The following VSTM2L variants were observed in gnomAD, a reference collection of about 807,000 sequenced individuals.
VSTM2L encodes the protein V-set and transmembrane domain containing 2 like.
VSTM2L carries 9 observed loss-of-function variants against 19.9 expected under a neutral mutation model. That is an observed-to-expected ratio of 0.45 (90% CI 0.27 to 0.79). The LOEUF (loss-of-function observed/expected upper bound fraction) is 0.79. Ranked by LOEUF, VSTM2L falls within the 30% of genes least tolerant of loss-of-function variation. The pLI is 0.15. For synonymous variants in VSTM2L, 127 were observed against 133.8 expected (o/e 0.95, Z 0.35); for missense variants, 286 against 295.5 (o/e 0.97, Z 0.24).
chr20:37,931,908 A>G (rs2072912725), intron 2 of VSTM2L, 104 bp downstream of exon 2: 3 of 1,318,100 alleles, frequency 2.3e-6, no homozygotes, highest in Admixed American at 2.3e-5. Flanking sequence ...ATGGGCTCCA[A>G]CGCTGTTCTC....
At chr20:37,941,712 C>T (rs2072973120) in intron 3 of VSTM2L, among the ~76,000 whole-genome samples, 1 of 152,082 alleles carries the variant, frequency 6.6e-6, no homozygotes, top group African/African-American at 2.4e-5. Context: ...GGCCCACTCA[C>T]CTGAGCCTAC....
At chr20:37,913,826 C>A (rs1396703671) in intron 1 of VSTM2L, among the ~76,000 whole-genome samples, 1 of 152,210 alleles carries the variant, frequency 6.6e-6, no homozygotes, top group Non-Finnish European at 1.5e-5. Context: ...CTCCAAGAAT[C>A]GGCTCTGGAG....
chr20:37,941,863 A>C (rs1600576632), intron 3 of VSTM2L, among the ~76,000 whole-genome samples: 3 of 143,738 alleles, frequency 2.1e-5, no homozygotes, highest in Non-Finnish European at 3.0e-5. Flanking sequence ...GCCCCCTCCC[A>C]CCACCACCAC....
intron 3 of VSTM2L, among the ~76,000 whole-genome samples, chr20:37,942,818 CAAAT>C (rs1031829766): frequency 5.3e-5 from 8 of 152,152 alleles, no homozygotes; most frequent in Non-Finnish European, 1.0e-4. Flanking sequence ...AAAACCCAAC[CAAAT>C]AAAACAAAAA....
At chr20:37,914,232 T>G (rs1203954185) in intron 1 of VSTM2L, among the ~76,000 whole-genome samples, 1 of 149,950 alleles carries the variant, frequency 6.7e-6, no homozygotes, top group African/African-American at 2.5e-5. Flanking sequence ...GTGGTGTGCA[T>G]GTATATGTCT....
At chr20:37,943,431 T>A (rs1218505153) in intron 3 of VSTM2L, among the ~76,000 whole-genome samples, 2 of 149,344 alleles carry the variant, frequency 1.3e-5, no homozygotes, top group Non-Finnish European at 3.0e-5. Context: ...GCCTCTATTT[T>A]TTTTTTTTTT....
chr20:37,931,561 G>A (rs182886313), intron 1 of VSTM2L, 74 bp from the exon 2 acceptor site: 15 of 1,400,220 alleles, frequency 1.1e-5, no homozygotes, highest in Middle Eastern at 1.9e-4. Flanking sequence ...CTGTTCCTAC[G>A]TTCTCCACCT....
chr20:37,904,208 G>A (rs763921097), intron 1 of VSTM2L, among the ~76,000 whole-genome samples: 3 of 152,250 alleles, frequency 2.0e-5, no homozygotes, highest in Non-Finnish European at 4.4e-5. Context: ...AGCCACCGGA[G>A]TAGTTGGGGT....
chr20:37,926,950 G>T (rs1271934304), intron 1 of VSTM2L, among the ~76,000 whole-genome samples: 1 of 152,208 alleles, frequency 6.6e-6, no homozygotes, highest in Non-Finnish European at 1.5e-5. Context: ...ACACAAAAAA[G>T]AGTGGAACAT....
intron 3 of VSTM2L, among the ~76,000 whole-genome samples, chr20:37,938,892 A>T (rs1432978940): frequency 1.3e-5 from 2 of 151,978 alleles, no homozygotes; most frequent in African/African-American, 4.8e-5. Flanking sequence ...GAGGCCTCTG[A>T]TGAGGTTTGG....
chr20:37,907,114 T>A (rs1020476033), intron 1 of VSTM2L, among the ~76,000 whole-genome samples: 1 of 152,208 alleles, frequency 6.6e-6, no homozygotes, highest in Non-Finnish European at 1.5e-5. Context: ...TATTATTTTT[T>A]AATTTCTCTT....
intron 1 of VSTM2L, among the ~76,000 whole-genome samples, chr20:37,916,446 A>G (rs149241668): frequency 1.3e-5 from 2 of 152,298 alleles, no homozygotes; most frequent in African/African-American, 2.4e-5. Flanking sequence ...AACTCCCACA[A>G]TCCTGCAAGT....
intron 3 of VSTM2L, among the ~76,000 whole-genome samples, chr20:37,936,385 T>G (rs1299192464): frequency 6.6e-6 from 1 of 152,218 alleles, no homozygotes; most frequent in Non-Finnish European, 1.5e-5. Context: ...CTCCTGAGTC[T>G]TAACTGTTGG....
At position 37,903,181 on chromosome 20, in the gene VSTM2L, C is replaced by A; in HGVS notation, c.-170C>A. On this transcript the variant is annotated 5_prime_UTR_variant, in exon 1 of 4. Transcript: ENST00000373461. ...CTCGCTCCCCGAAGCCGGGGCTGGG[C>A]CGGAGCCGGGCGAGGGCTGGGAGCT... 2.2e-6 allele frequency: 2 copies of A among 908,420 alleles called. No homozygotes were observed. The highest frequency in any genetic ancestry group is 2.8e-6 in the Non-Finnish European group (2 of 705,298). The allele number at this position is 908,420 out of a possible 1,614,324, so 56.3% of individuals were successfully genotyped here.
chr20:37,923,809 C>T (rs2072865365), intron 1 of VSTM2L, among the ~76,000 whole-genome samples: 1 of 152,164 alleles, frequency 6.6e-6, no homozygotes, highest in Non-Finnish European at 1.5e-5. Flanking sequence ...GGTTCAGTTT[C>T]ACCATTTACT....
At position 37,938,644 on chromosome 20, in the gene VSTM2L, A is replaced by G. The variant is rs565256752; in HGVS notation, c.342+5055A>G. Among the ~76,000 whole-genome samples, 16 of 152,360 alleles carry G rather than the reference A, an allele frequency of 1.1e-4. No homozygotes were observed. The South Asian group carries it at 2.9e-3, about 28-fold the overall frequency. On this transcript the variant is annotated intron_variant, in intron 3 of 3. Coordinates refer to ENST00000373461, the MANE Select transcript of VSTM2L (RefSeq NM_080607.3). The stretch of plus-strand genomic sequence containing the variant: ...GAGGAGGCTGAACTTGGCCCTGGCC[A>G]GGGTTCGGCCTTGTCTCTTTCAGCG...
chr20:37,938,705 G>A (rs942873133), intron 3 of VSTM2L, among the ~76,000 whole-genome samples: 4 of 152,248 alleles, frequency 2.6e-5, no homozygotes, highest in Non-Finnish European at 2.9e-5. Flanking sequence ...AAGGCCTGTC[G>A]ATGCCTGTGC....
At chr20:37,932,557 C>T (rs1007077266) in intron 2 of VSTM2L, among the ~76,000 whole-genome samples, 11 of 152,108 alleles carry the variant, frequency 7.2e-5, no homozygotes, top group African/African-American at 2.4e-4. Context: ...CTGGGACAAC[C>T]GAAGCATATT....
At chr20:37,915,880 T>G (rs1054171822) in intron 1 of VSTM2L, among the ~76,000 whole-genome samples, 1 of 152,254 alleles carries the variant, frequency 6.6e-6, no homozygotes, top group South Asian at 2.1e-4. Flanking sequence ...TGCCTCCATC[T>G]GTCCCTGTCC....
Sources: gnomAD v4.1 joint callset for allele counts (sites outside exome capture counted in the v4.1 genomes callset) on GRCh38, gnomAD v4.1.1 for gene constraint, MANE v1.5 for transcripts, NCBI Gene and HGNC (gene_info 2026-07-23, HGNC 2026-07-21) for gene names.